KIAA1217: variants seen among roughly 807,000 people sequenced by gnomAD.
KIAA1217 encodes KIAA1217.
In KIAA1217, 88 loss-of-function variants were observed where a neutral mutation model predicts 163.9. The ratio of observed to expected loss-of-function variants is 0.54; its 90% CI spans 0.45 to 0.64. KIAA1217 has a LOEUF of 0.64. KIAA1217 is among the 30% of genes least tolerant of loss of function. The pLI is 0.00. For synonymous variants in KIAA1217, 903 were observed against 923.1 expected (o/e 0.98, Z 0.39); for missense variants, 2,372 against 2,475.0 (o/e 0.96, Z 0.88).
intron 2 of KIAA1217, among the ~76,000 whole-genome samples, chr10:24,080,686 G>A (rs147466241): frequency 2.5e-3 from 377 of 152,258 alleles, no homozygotes; most frequent in African/African-American, 8.0e-3. Flanking sequence ...TTGACTTGAT[G>A]TGTAAATAAA....
rs772676910 is a variant in KIAA1217 at position 24,513,324 on chromosome 10, G to A, written c.2067G>A (p.Val689=). 1 of 1,614,192 alleles carries A rather than the reference G, an allele frequency of 6.2e-7. No individual in the cohort carries two copies. Among genetic ancestry groups the A allele is most frequent in the Non-Finnish European group, 8.5e-7 (1 of 1,180,026 alleles). The change falls in exon 10 of 21, where the codon GTG becomes GTA. Residue 689 remains valine (V), a synonymous_variant. Transcript: ENST00000376454. ...KKAELEISGK[V]METMKRLEDP... Reference sequence around the variant, plus strand: ...CCGAGCTGGAAATCAGTGGCAAAGTGATGGAAACAATGAAGAGACTGGAGG... The same window carrying A: ...CCGAGCTGGAAATCAGTGGCAAAGTAATGGAAACAATGAAGAGACTGGAGG...
At chr10:24,257,184 A>C (rs1254973682) in intron 2 of KIAA1217, among the ~76,000 whole-genome samples, 1 of 152,206 alleles carries the variant, frequency 6.6e-6, no homozygotes, top group Non-Finnish European at 1.5e-5. Flanking sequence ...ACTGTTGAAG[A>C]ATATTCTGTC....
chr10:24,428,611 T>A (rs2059355971), intron 3 of KIAA1217, among the ~76,000 whole-genome samples: 1 of 152,156 alleles, frequency 6.6e-6, no homozygotes, highest in Non-Finnish European at 1.5e-5. Flanking sequence ...GACATTCCTT[T>A]TCAATGACTA....
intron 1 of KIAA1217, among the ~76,000 whole-genome samples, chr10:23,968,017 T>C (rs1845143111): frequency 6.6e-6 from 1 of 151,906 alleles, no homozygotes. Context: ...TACATAGGTA[T>C]ACATGTGCCA....
At position 24,395,360 on chromosome 10, in the gene KIAA1217, G is replaced by T. The variant is rs1338034040; in HGVS notation, c.553+14293G>T. Among the ~76,000 whole-genome samples the T allele has an allele frequency of 2.6e-5, 4 of 152,132 alleles. No individual in the cohort carries two copies. In the East Asian group the frequency reaches 7.7e-4, roughly 29 times the overall value. ...GAGGGTAATCTTTTCTTATGCCTTT[G>T]TGCCACTCTGCACATACATCCCAAG... On this transcript the variant is annotated intron_variant, in intron 3 of 20. Coordinates refer to ENST00000376454, the MANE Select transcript of KIAA1217 (RefSeq NM_019590.5).
chr10:23,803,250 G>C (rs918699673), intron 1 of KIAA1217, among the ~76,000 whole-genome samples: 2 of 152,180 alleles, frequency 1.3e-5, no homozygotes, highest in African/African-American at 2.4e-5. Context: ...TGACACTCTG[G>C]TGCCCAGCTC....
chr10:23,935,055 A>G (rs879889082), intron 1 of KIAA1217, among the ~76,000 whole-genome samples: 1 of 152,180 alleles, frequency 6.6e-6, no homozygotes, highest in Non-Finnish European at 1.5e-5. Context: ...AGCTGTTCAT[A>G]TTACCTCCAT....
chr10:23,791,978 G>A (rs144392026), intron 1 of KIAA1217, among the ~76,000 whole-genome samples: 241 of 152,200 alleles, frequency 1.6e-3, no homozygotes, highest in Non-Finnish European at 2.5e-3. Flanking sequence ...CCTTTGATTT[G>A]CAATTTGAGC....
intron 2 of KIAA1217, among the ~76,000 whole-genome samples, chr10:24,176,877 G>A (rs1025940944): frequency 3.3e-5 from 5 of 152,190 alleles, no homozygotes; most frequent in Admixed American, 6.5e-5. Context: ...CCCACGGGGA[G>A]GCAGCTGAGG....
intron 2 of KIAA1217, among the ~76,000 whole-genome samples, chr10:24,201,265 C>T (rs757807290): frequency 8.6e-5 from 13 of 152,040 alleles, no homozygotes; most frequent in Non-Finnish European, 1.9e-4. Context: ...AGCAAAACTC[C>T]ATCTCAAAAA....
intron 2 of KIAA1217, among the ~76,000 whole-genome samples, chr10:24,067,852 C>T (rs1290878031): frequency 6.6e-6 from 1 of 152,238 alleles, no homozygotes; most frequent in African/African-American, 2.4e-5. Context: ...GCGGGTGCCC[C>T]TCCCCCAGCC....
At chr10:24,388,486 G>A (rs543655123) in intron 3 of KIAA1217, among the ~76,000 whole-genome samples, 4 of 152,234 alleles carry the variant, frequency 2.6e-5, no homozygotes, top group Non-Finnish European at 2.9e-5. Flanking sequence ...TACCATTCAG[G>A]ACAGAGGCAT....
At chr10:23,804,553 T>A (rs1836645288) in intron 1 of KIAA1217, among the ~76,000 whole-genome samples, 1 of 152,236 alleles carries the variant, frequency 6.6e-6, no homozygotes, top group African/African-American at 2.4e-5. Context: ...AGAGAATGCA[T>A]ACATGGCCAG....
chr10:23,698,714 C>T lies in KIAA1217; in HGVS notation c.-321+3480C>T, dbSNP rs542075684. ...TGCATGAGTCCCTTATGTTGTCGACCGTAGGCTTAAGAGAAAAATCACACA... is the reference window on the plus strand; with the variant it reads ...TGCATGAGTCCCTTATGTTGTCGACTGTAGGCTTAAGAGAAAAATCACACA... On this transcript the variant is annotated intron_variant, in intron 1 of 18. Transcript: ENST00000376462. Among the ~76,000 whole-genome samples, 31 of 152,222 alleles carry T rather than the reference C, an allele frequency of 2.0e-4. No homozygotes were observed. In the South Asian group the frequency reaches 2.9e-3, roughly 14 times the overall value.
chr10:24,235,706 A>G (rs1437220866), intron 2 of KIAA1217, among the ~76,000 whole-genome samples: 2 of 152,126 alleles, frequency 1.3e-5, no homozygotes, highest in African/African-American at 4.8e-5. Flanking sequence ...GCAGCTAAAT[A>G]CATACTGCTT....
At chr10:24,454,685 C>T (rs191057675) in intron 5 of KIAA1217, among the ~76,000 whole-genome samples, 1 of 152,218 alleles carries the variant, frequency 6.6e-6, no homozygotes, top group East Asian at 1.9e-4. Flanking sequence ...CTTGCAGTCA[C>T]TTACAAGGAA....
rs781611613 is a variant in KIAA1217, at chr10:24,473,354, C to T, written c.973C>T (p.Pro325Ser). The change falls in exon 6 of 21, where the codon CCC (proline) becomes TCC (serine). Residue 325 changes from proline to serine, a missense_variant. Coordinates refer to ENST00000376454, the MANE Select transcript of KIAA1217 (RefSeq NM_019590.5). ...TACTCCAGTGCCCCATTCCATGCCC[C>T]CCTCCCCGTCCAGAATTCCTTATGG... Reference protein sequence around the residue: ...PSTPVPHSMPPSPSRIPYGGT... With the variant: ...PSTPVPHSMPSSPSRIPYGGT... The T allele has an allele frequency of 6.2e-7, 1 of 1,602,634 alleles. No individual in the cohort carries two copies. The highest frequency in any genetic ancestry group is 1.1e-5 in the South Asian group (1 of 88,866).
In KIAA1217 at chr10:23,869,124, G is replaced by GTTTTTTTTTTTTT. The variant is rs58288361; in HGVS notation, c.-320-138083_-320-138071dup. Among the ~76,000 whole-genome samples, 10 of 31,724 alleles carry GTTTTTTTTTTTTT rather than the reference G, an allele frequency of 3.2e-4. 2 individuals carry two copies. Among genetic ancestry groups the GTTTTTTTTTTTTT allele is most frequent in the African/African-American group, 1.2e-3 (10 of 8,288 alleles). 20.8% of individuals were successfully genotyped at this position (31,724 alleles called of 152,430 possible). A position where few individuals can be genotyped will look rare whatever the true frequency, so the allele number is the denominator to read the frequency against. On this transcript the variant is annotated intron_variant, in intron 1 of 18. Coordinates refer to the KIAA1217 transcript ENST00000376462. ...GTGTAACGTGCAATCATGAAATGTA[G>GTTTTTTTTTTTTT]TTTTTTTTTTTTTTTTTTTTTTTTT...
chr10:23,818,022 TACAC>T (rs1211094876), intron 1 of KIAA1217, among the ~76,000 whole-genome samples: 9 of 128,738 alleles, frequency 7.0e-5, no homozygotes, highest in African/African-American at 2.8e-4. Flanking sequence ...CACATATATA[TACAC>T]ACATATATAT....
Sources: gnomAD v4.1 joint callset for allele counts (sites outside exome capture counted in the v4.1 genomes callset) on GRCh38, gnomAD v4.1.1 for gene constraint, MANE v1.5 for transcripts, NCBI Gene and HGNC (gene_info 2026-07-23, HGNC 2026-07-21) for gene names.